The following CHCHD3 variants were observed in gnomAD, a reference collection of about 807,000 sequenced individuals.
CHCHD3 encodes MICOS complex subunit MIC19.
A neutral mutation model predicts 38.2 loss-of-function variants in CHCHD3; 20 were observed. That is an observed-to-expected ratio of 0.52 (90% confidence interval 0.37 to 0.76). CHCHD3 has a LOEUF of 0.76. Among genes scored for constraint, CHCHD3 ranks in the 30% least tolerant of loss-of-function variants. CHCHD3 has a pLI of 0.00. For missense variants in CHCHD3, 245 were observed against 279.2 expected, an observed-to-expected ratio of 0.88 and a Z score of 0.87; for synonymous variants, 82 against 100.0, an observed-to-expected ratio of 0.82 and a Z score of 1.07.
At chr7:133,003,943 C>T (rs1255780033) in intron 3 of CHCHD3, among the ~76,000 whole-genome samples, 3 of 151,684 alleles carry the variant, frequency 2.0e-5, no homozygotes, top group Non-Finnish European at 4.4e-5. Context: ...AATTTTGAAC[C>T]TGAAAGATAT....
chr7:132,944,705 T>C (rs889657549), intron 4 of CHCHD3, among the ~76,000 whole-genome samples: 2 of 151,952 alleles, frequency 1.3e-5, no homozygotes, highest in Admixed American at 6.6e-5. Flanking sequence ...TATATATGCA[T>C]GGTAAAAACA....
intron 2 of CHCHD3, among the ~76,000 whole-genome samples, chr7:133,055,854 A>T (rs2117509951): frequency 6.6e-6 from 1 of 152,176 alleles, no homozygotes; most frequent in Non-Finnish European, 1.5e-5. Flanking sequence ...ATAAAGATGT[A>T]AGGATAGAGC....
At chr7:133,016,671 T>A (rs1813038749) in intron 3 of CHCHD3, among the ~76,000 whole-genome samples, 1 of 152,216 alleles carries the variant, frequency 6.6e-6, no homozygotes, top group African/African-American at 2.4e-5. Flanking sequence ...ACATTCCTTT[T>A]TAGCTCGAGG....
At chr7:132,810,371 CAT>C (rs897222772) in intron 6 of CHCHD3, among the ~76,000 whole-genome samples, 2 of 152,196 alleles carry the variant, frequency 1.3e-5, no homozygotes, top group Non-Finnish European at 2.9e-5. Context: ...AAAATTCTAA[CAT>C]GTTTCTCTTT....
intron 3 of CHCHD3, 131 bp from the exon 4 acceptor site, chr7:132,975,417 T>A: frequency 1.4e-6 from 1 of 702,244 alleles, no homozygotes; most frequent in Admixed American, 2.7e-5. Context: ...TCTTGGCCCA[T>A]AATCTATCAA....
chr7:132,976,241 T>A (rs932736818), intron 3 of CHCHD3, among the ~76,000 whole-genome samples: 1 of 152,142 alleles, frequency 6.6e-6, no homozygotes, highest in African/African-American at 2.4e-5. Flanking sequence ...ATGACTCCAA[T>A]CGATCTGTTA....
chr7:133,075,612 T>G (rs1814963591), intron 1 of CHCHD3, among the ~76,000 whole-genome samples: 1 of 152,198 alleles, frequency 6.6e-6, no homozygotes, highest in African/African-American at 2.4e-5. Context: ...ACAGGGGTAC[T>G]CACTCGTGAA....
intron 2 of CHCHD3, among the ~76,000 whole-genome samples, chr7:133,061,149 G>C (rs750789786): frequency 1.3e-5 from 2 of 152,048 alleles, no homozygotes; most frequent in Non-Finnish European, 2.9e-5. Flanking sequence ...AGGCCGGGGT[G>C]GGGTGGAGGG....
intron 6 of CHCHD3, 42 bp downstream of exon 6, chr7:132,838,357 T>G: frequency 7.5e-7 from 1 of 1,327,776 alleles, no homozygotes; most frequent in Non-Finnish European, 1.1e-6. Flanking sequence ...GCTTTCATCT[T>G]GTTAAGAATA....
intron 3 of CHCHD3, among the ~76,000 whole-genome samples, chr7:132,986,696 A>G (rs1273706602): frequency 6.6e-6 from 1 of 152,234 alleles, no homozygotes; most frequent in East Asian, 1.9e-4. Flanking sequence ...CATTGAGAAG[A>G]AAGGATAACT....
intron 4 of CHCHD3, among the ~76,000 whole-genome samples, chr7:132,961,613 C>T (rs1414180952): frequency 1.3e-5 from 2 of 152,216 alleles, no homozygotes; most frequent in Admixed American, 6.5e-5. Context: ...ACAATGCATG[C>T]GTGCGGTTAA....
At chr7:132,933,375 G>C (rs1810561969) in intron 4 of CHCHD3, among the ~76,000 whole-genome samples, 2 of 152,190 alleles carry the variant, frequency 1.3e-5, no homozygotes, top group African/African-American at 4.8e-5. Context: ...ATCACGAGAA[G>C]TATGTATTTC....
At chr7:132,962,430 G>GA (rs1811344349) in intron 4 of CHCHD3, among the ~76,000 whole-genome samples, 1 of 152,072 alleles carries the variant, frequency 6.6e-6, no homozygotes, top group Non-Finnish European at 1.5e-5. Context: ...TTAAAAAGAC[G>GA]GAAACAAAGG....
intron 2 of CHCHD3, 131 bp downstream of exon 2, chr7:133,070,011 C>T (rs1435886690): frequency 4.7e-6 from 3 of 638,664 alleles, no homozygotes; most frequent in Non-Finnish European, 8.1e-6. Flanking sequence ...ATACTGATTT[C>T]TAATATTCCT....
At position 133,018,274 on chromosome 7, in the gene CHCHD3, C is replaced by T. The variant is rs1584646611; in HGVS notation, c.251+6272G>A. Among the ~76,000 whole-genome samples the T allele has an allele frequency of 2.0e-5, 3 of 152,222 alleles. No individual in the cohort carries two copies. The East Asian group carries it at 5.8e-4, about 29-fold the overall frequency. On this transcript the variant is annotated intron_variant, in intron 3 of 7. Coordinates refer to ENST00000262570, the MANE Select transcript of CHCHD3 (RefSeq NM_017812.4). ...GAGCCTGGGAAATATGCTCACATCACAGCAGGATGGTATAGGTTACACCTG... is the reference window on the plus strand; with the variant it reads ...GAGCCTGGGAAATATGCTCACATCATAGCAGGATGGTATAGGTTACACCTG...
chr7:132,819,519 A>T (rs527744216), intron 6 of CHCHD3, among the ~76,000 whole-genome samples: 1 of 152,276 alleles, frequency 6.6e-6, no homozygotes, highest in Admixed American at 6.5e-5. Flanking sequence ...AGATGGAAAT[A>T]TTGATACTAA....
chr7:132,825,531 G>A (rs1426484133), intron 6 of CHCHD3, among the ~76,000 whole-genome samples: 1 of 152,208 alleles, frequency 6.6e-6, no homozygotes, highest in Non-Finnish European at 1.5e-5. Flanking sequence ...TACCAGCAAT[G>A]CTAATTTTCT....
intron 1 of CHCHD3, among the ~76,000 whole-genome samples, chr7:133,079,608 G>T (rs189926006): frequency 6.6e-6 from 1 of 152,156 alleles, no homozygotes; most frequent in Non-Finnish European, 1.5e-5. Context: ...TGGTATTACC[G>T]TTTATGGATA....
In CHCHD3 at chr7:133,046,577, G is replaced by T. The variant is rs1003055977; in HGVS notation, c.170-21950C>A. ...TAATGCTATGTATTTTTTTGGGGGG[G>T]GGAGACGGAGTCTCCCTTCTGTCGC... On this transcript the variant is annotated intron_variant, in intron 2 of 7. Transcript: ENST00000262570. Among the ~76,000 whole-genome samples the T allele has an allele frequency of 3.6e-4, 10 of 27,492 alleles. No individual in the cohort carries two copies. In the Admixed American group the frequency reaches 4.3e-3, roughly 12 times the overall value. 18.0% of individuals were successfully genotyped at this position (27,492 alleles called of 152,430 possible). A position where few individuals can be genotyped will look rare whatever the true frequency, so the allele number is the denominator to read the frequency against.
Sources: gnomAD v4.1 joint callset for allele counts (sites outside exome capture counted in the v4.1 genomes callset) on GRCh38, gnomAD v4.1.1 for gene constraint, MANE v1.5 for transcripts, NCBI Gene and HGNC (gene_info 2026-07-23, HGNC 2026-07-21) for gene names.